Variants in DPH6 observed in about 807,000 individuals in gnomAD.
The protein encoded by DPH6 is diphthine--ammonia ligase.
Under a neutral mutation model 38.2 loss-of-function variants are expected in DPH6, and 33 were observed. That is an observed-to-expected ratio of 0.86 (90% confidence interval 0.65 to 1.15). The LOEUF (loss-of-function observed/expected upper bound fraction) is 1.15, where lower values mean the gene tolerates loss of function less well. DPH6 is among the 50% of genes most tolerant of loss of function. The pLI is 0.00. For missense variants in DPH6, 325 were observed against 320.0 expected, an observed-to-expected ratio of 1.02 and a Z score of -0.12; for synonymous variants, 108 against 103.0, an observed-to-expected ratio of 1.05 and a Z score of -0.30.
chr15:35,191,586 C>A, the DPH6 span, among the ~76,000 whole-genome samples: 1 of 152,182 alleles, frequency 6.6e-6, no homozygotes, highest in African/African-American at 2.4e-5. Context: ...CCCTATGAAG[C>A]CCTTCCTGAC....
In DPH6 at chr15:35,467,004, A is replaced by C. The variant is rs72705136; in HGVS notation, c.313-12184T>G. Among the ~76,000 whole-genome samples the C allele has an allele frequency of 9.8e-3, 1,492 of 152,308 alleles. 12 individuals are homozygous for C. Among genetic ancestry groups the C allele is most frequent in the Non-Finnish European group, 0.015 (1,050 of 68,012 alleles). Reference sequence around the variant, plus strand: ...AAGGCCTAGGACATTACTGTACACTAATGTAGATTATAAACATGGTATGTT... The same window carrying C: ...AAGGCCTAGGACATTACTGTACACTCATGTAGATTATAAACATGGTATGTT... On this transcript the variant is annotated intron_variant, in intron 3 of 8. Transcript: ENST00000256538.
intron 3 of DPH6, among the ~76,000 whole-genome samples, chr15:35,315,154 C>G (rs1318921960): frequency 1.3e-5 from 2 of 152,214 alleles, no homozygotes; most frequent in Non-Finnish European, 2.9e-5. Context: ...ACAACCAACA[C>G]TTCAAAAGTT....
At chr15:35,257,625 T>C (rs1218112080) in intron 3 of DPH6, among the ~76,000 whole-genome samples, 1 of 152,144 alleles carries the variant, frequency 6.6e-6, no homozygotes, top group Non-Finnish European at 1.5e-5. Context: ...CAAAGTGCAC[T>C]GTAGGAGATA....
At chr15:35,357,295 C>T (rs1251582410) in intron 3 of DPH6, among the ~76,000 whole-genome samples, 9 of 152,238 alleles carry the variant, frequency 5.9e-5, no homozygotes, top group African/African-American at 2.2e-4. Context: ...CTGTCTTGCA[C>T]CACTGTCCGA....
chr15:35,174,247 T>G, the DPH6 span, among the ~76,000 whole-genome samples: 3 of 152,216 alleles, frequency 2.0e-5, no homozygotes, highest in Non-Finnish European at 4.4e-5. Context: ...CATTATAATT[T>G]TTTTTGAAGC....
intron 3 of DPH6, among the ~76,000 whole-genome samples, chr15:35,261,943 A>G (rs2051749786): frequency 6.6e-6 from 1 of 152,234 alleles, no homozygotes; most frequent in South Asian, 2.1e-4. Context: ...CTACAGTAGT[A>G]AAGAGAAGTA....
chr15:35,149,204 C>T, the DPH6 span, among the ~76,000 whole-genome samples: 1 of 152,120 alleles, frequency 6.6e-6, no homozygotes, highest in Non-Finnish European at 1.5e-5. Flanking sequence ...TTCCTTGTCA[C>T]CTCCCCTCAC....
chr15:35,234,579 A>ATT (rs1485531817), intron 3 of DPH6, among the ~76,000 whole-genome samples: 1 of 152,254 alleles, frequency 6.6e-6, no homozygotes, highest in Non-Finnish European at 1.5e-5. Flanking sequence ...ATTTAATATT[A>ATT]ACAACACCCA....
At chr15:35,377,322 C>CCCATCCAT (rs534979462) in intron 7 of DPH6, among the ~76,000 whole-genome samples, 2 of 151,716 alleles carry the variant, frequency 1.3e-5, no homozygotes, top group African/African-American at 4.8e-5. Flanking sequence ...CTTCCGTCCA[C>CCCATCCAT]CCATCCATCC....
the DPH6 span, among the ~76,000 whole-genome samples, chr15:35,199,075 A>G: frequency 6.6e-6 from 1 of 152,074 alleles, no homozygotes; most frequent in Admixed American, 6.5e-5. Context: ...GCCCGCCACA[A>G]TGCCCAGCTA....
chr15:35,285,872 G>GGTTTTTTTTTTTTTTTTT (rs1555391167), intron 3 of DPH6, among the ~76,000 whole-genome samples: 9 of 52,810 alleles, frequency 1.7e-4, no homozygotes, highest in African/African-American at 6.7e-4. Context: ...TTATCTTTGA[G>GGTTTTTTTTTTTTTTTTT]TTTTTTTTTT....
intron 3 of DPH6, among the ~76,000 whole-genome samples, chr15:35,303,273 T>A (rs191802622): frequency 1.0e-3 from 154 of 152,126 alleles, no homozygotes; most frequent in African/African-American, 3.6e-3. Context: ...AAAGGTGCGA[T>A]GTTATCTATA....
the DPH6 span, among the ~76,000 whole-genome samples, chr15:35,183,288 C>T: frequency 6.6e-6 from 1 of 152,174 alleles, no homozygotes; most frequent in African/African-American, 2.4e-5. Flanking sequence ...CTGCCAGTTC[C>T]CCTACATTTC....
chr15:35,447,436 T>TA (rs1555402580), intron 5 of DPH6, among the ~76,000 whole-genome samples: 1 of 150,088 alleles, frequency 6.7e-6, no homozygotes, highest in Non-Finnish European at 1.5e-5. Context: ...CTCTTATACG[T>TA]CCCCCCCCGC....
chr15:35,450,978 T>C (rs966757159), intron 4 of DPH6, among the ~76,000 whole-genome samples, 175 bp from the exon 5 acceptor site: 2 of 152,158 alleles, frequency 1.3e-5, no homozygotes, highest in African/African-American at 4.8e-5. Context: ...CATATTTAAT[T>C]TCCATGGGTT....
the DPH6 span, among the ~76,000 whole-genome samples, chr15:35,204,521 A>C: frequency 6.6e-6 from 1 of 151,806 alleles, no homozygotes. Context: ...TAATTCTAAG[A>C]ACACAAATTA....
chr15:35,411,273 A>G (rs1288702350), intron 5 of DPH6, among the ~76,000 whole-genome samples: 2 of 151,796 alleles, frequency 1.3e-5, no homozygotes, highest in East Asian at 3.9e-4. Context: ...GGACAACAGC[A>G]TTAATTTTCT....
intron 3 of DPH6, among the ~76,000 whole-genome samples, chr15:35,233,566 C>T (rs1241883942): frequency 6.6e-6 from 1 of 152,172 alleles, no homozygotes; most frequent in Non-Finnish European, 1.5e-5. Context: ...TTGTGGAATG[C>T]TCCAGTGGCC....
At chr15:35,440,633 AG>A (rs1196325891) in intron 5 of DPH6, among the ~76,000 whole-genome samples, 2 of 152,152 alleles carry the variant, frequency 1.3e-5, no homozygotes, top group Non-Finnish European at 2.9e-5. Flanking sequence ...CTTCTTTAGA[AG>A]GGGGAATGAT....
Sources: gnomAD v4.1 joint callset for allele counts (sites outside exome capture counted in the v4.1 genomes callset) on GRCh38, gnomAD v4.1.1 for gene constraint, MANE v1.5 for transcripts, NCBI Gene and HGNC (gene_info 2026-07-23, HGNC 2026-07-21) for gene names.